Variants in MEI4 observed in about 807,000 individuals in gnomAD.
MEI4 encodes meiotic double-stranded break formation protein 4, also known as meiosis-specific protein MEI4.
In MEI4, 27 loss-of-function variants were observed where a neutral mutation model predicts 31.4. That is an observed-to-expected ratio of 0.86 (90% CI 0.63 to 1.19). The LOEUF (loss-of-function observed/expected upper bound fraction) is 1.19, where lower values mean the gene tolerates loss of function less well. MEI4 is among the 50% of genes most tolerant of loss of function. The pLI, the probability that MEI4 is intolerant of heterozygous loss-of-function variation, is 0.00. For missense variants in MEI4, 329 were observed against 398.9 expected (o/e 0.82, Z 1.49); for synonymous variants, 122 against 145.4 (o/e 0.84, Z 1.16).
chr6:77,915,661 C>A (rs1268317665), intron 4 of MEI4, among the ~76,000 whole-genome samples: 2 of 151,886 alleles, frequency 1.3e-5, no homozygotes, highest in Non-Finnish European at 2.9e-5. Flanking sequence ...GTTATATCTT[C>A]TTTCTAATTG....
intron 4 of MEI4, among the ~76,000 whole-genome samples, chr6:77,839,591 G>A (rs1424770102): frequency 3.3e-5 from 5 of 152,042 alleles, no homozygotes; most frequent in Non-Finnish European, 5.9e-5. Flanking sequence ...ACTCCCAAGT[G>A]GTACACATAA....
At chr6:77,736,974 A>T (rs984172368) in intron 2 of MEI4, among the ~76,000 whole-genome samples, 1 of 152,190 alleles carries the variant, frequency 6.6e-6, no homozygotes, top group Non-Finnish European at 1.5e-5. Context: ...AGGTAGAGGA[A>T]TATACTGGCA....
rs182762148 is a variant in MEI4 at position 77,783,410 on chromosome 6, C to T, written c.768+21745C>T. Among the ~76,000 whole-genome samples, 395 of 152,182 alleles carry T rather than the reference C, an allele frequency of 2.6e-3. 2 individuals carry two copies. Among genetic ancestry groups the T allele is most frequent in the Middle Eastern group, 0.01 (3 of 294 alleles). Reference sequence around the variant, plus strand: ...TATTTCCATGGATCTTAATAAAAACCATGAAAAATCAGATGAAGCTGACAG... The same window carrying T: ...TATTTCCATGGATCTTAATAAAAACTATGAAAAATCAGATGAAGCTGACAG... On this transcript the variant is annotated intron_variant, in intron 3 of 4. Transcript: ENST00000684080.
intron 4 of MEI4, among the ~76,000 whole-genome samples, chr6:77,865,661 C>A (rs564088409): frequency 6.6e-6 from 1 of 152,282 alleles, no homozygotes; most frequent in East Asian, 1.9e-4. Context: ...CTAGGAGGAG[C>A]TGGTACCATT....
At chr6:77,851,292 C>T (rs1770613499) in intron 4 of MEI4, among the ~76,000 whole-genome samples, 1 of 152,016 alleles carries the variant, frequency 6.6e-6, no homozygotes, top group Non-Finnish European at 1.5e-5. Context: ...TGGGTATATA[C>T]CCAAAGGATT....
chr6:77,788,046 C>A (rs1768796040), intron 3 of MEI4, among the ~76,000 whole-genome samples: 1 of 152,102 alleles, frequency 6.6e-6, no homozygotes, highest in Non-Finnish European at 1.5e-5. Context: ...CCCTCTTTTT[C>A]TATTGATTGG....
chr6:77,709,994 C>G (rs146881513), intron 2 of MEI4, among the ~76,000 whole-genome samples: 1 of 152,220 alleles, frequency 6.6e-6, no homozygotes, highest in South Asian at 2.1e-4. Context: ...GTGCAGCTCT[C>G]TGTTGTCTGC....
At chr6:77,760,794 T>G (rs62418035) in intron 2 of MEI4, among the ~76,000 whole-genome samples, 20,942 of 152,178 alleles carry the variant, frequency 0.14, 1,529 homozygotes, top group Middle Eastern at 0.21. Flanking sequence ...TGTAGTTACC[T>G]ATTGGATTCA....
chr6:77,744,080 A>G (rs1463754750), intron 2 of MEI4, among the ~76,000 whole-genome samples: 2 of 152,214 alleles, frequency 1.3e-5, no homozygotes, highest in Non-Finnish European at 2.9e-5. Flanking sequence ...CTCCAAAGGA[A>G]TGCAGTTCCT....
chr6:77,921,946 G>C (rs1247029098), intron 4 of MEI4, among the ~76,000 whole-genome samples: 1 of 151,732 alleles, frequency 6.6e-6, no homozygotes, highest in Non-Finnish European at 1.5e-5. Context: ...TTGAAATATT[G>C]TGATAATTAC....
chr6:77,839,590 T>C (rs1770308927), intron 4 of MEI4, among the ~76,000 whole-genome samples: 1 of 152,102 alleles, frequency 6.6e-6, no homozygotes, highest in Non-Finnish European at 1.5e-5. Flanking sequence ...AACTCCCAAG[T>C]GGTACACATA....
intron 3 of MEI4, among the ~76,000 whole-genome samples, chr6:77,793,277 C>A (rs543610529): frequency 6.6e-6 from 1 of 152,062 alleles, no homozygotes; most frequent in Non-Finnish European, 1.5e-5. Flanking sequence ...AAAAGGCAAC[C>A]AAGAATACTC....
intron 2 of MEI4, among the ~76,000 whole-genome samples, chr6:77,745,616 A>G (rs1343907594): frequency 1.3e-5 from 2 of 152,192 alleles, no homozygotes; most frequent in Admixed American, 6.5e-5. Flanking sequence ...TGCACCAAGC[A>G]GACATAATAG....
chr6:77,674,998 C>T (rs1419216986), intron 1 of MEI4, among the ~76,000 whole-genome samples: 1 of 150,748 alleles, frequency 6.6e-6, no homozygotes. Flanking sequence ...GTAACTAGTT[C>T]ATTTATTTTT....
intron 2 of MEI4, among the ~76,000 whole-genome samples, chr6:77,714,650 G>A (rs1766540045): frequency 6.6e-6 from 1 of 152,128 alleles, no homozygotes; most frequent in Non-Finnish European, 1.5e-5. Context: ...TCCATTCAAG[G>A]CGCTCTCTAT....
Position 77,924,741 on chromosome 6 carries a change from T to C in MEI4, c.*1395T>C, listed in dbSNP as rs527903580. On this transcript the variant is annotated 3_prime_UTR_variant, in exon 5 of 5. Transcript: ENST00000684080. Reference sequence around the variant, plus strand: ...GTGGCAATTGAGCAAGACGAAAGGCTAGGCTGAGAAATGTCACATTAGCAC... The same window carrying C: ...GTGGCAATTGAGCAAGACGAAAGGCCAGGCTGAGAAATGTCACATTAGCAC... 1 of 151,966 alleles carries C rather than the reference T, an allele frequency of 6.6e-6. No homozygotes were observed. Among genetic ancestry groups the C allele is most frequent in the African/African-American group, 2.4e-5 (1 of 41,528 alleles). 9.4% of individuals were successfully genotyped at this position (151,966 alleles called of 1,614,324 possible). A position where few individuals can be genotyped will look rare whatever the true frequency, so the allele number is the denominator to read the frequency against.
rs1399221023 is a variant in MEI4, at chr6:77,820,269, G to A, written c.769-8662G>A. On this transcript the variant is annotated intron_variant, in intron 3 of 4. Coordinates refer to ENST00000684080, the MANE Select transcript of MEI4 (RefSeq NM_001322247.2). The surrounding 1 kb of genome is among the most constrained non-coding windows in gnomAD (Gnocchi z 4.5). ...TTTTGTTTTTGTTTTTGTTTTTGGA[G>A]ATGGAGTCTCACTCTGTTGCCCAGG... 6.6e-6 allele frequency among the ~76,000 whole-genome samples: 1 copy of A among 151,592 alleles called. No individual in the cohort carries two copies. The highest frequency in any genetic ancestry group is 2.4e-5 in the African/African-American group (1 of 40,990).
intron 2 of MEI4, among the ~76,000 whole-genome samples, chr6:77,740,610 T>C (rs1582086034): frequency 1.3e-5 from 2 of 152,144 alleles, no homozygotes; most frequent in East Asian, 3.9e-4. Flanking sequence ...TAAACATTGC[T>C]TTTAAGTAGT....
At position 77,732,086 on chromosome 6, in the gene MEI4, A is replaced by G. The variant is rs538441454; in HGVS notation, c.233-29044A>G. Among the ~76,000 whole-genome samples the G allele has an allele frequency of 1.0e-3, 156 of 150,530 alleles. 1 individual carries two copies. The highest frequency in any genetic ancestry group is 3.5e-3 in the African/African-American group (143 of 40,518). On this transcript the variant is annotated intron_variant, in intron 2 of 4. Transcript: ENST00000684080. The stretch of plus-strand genomic sequence containing the variant: ...TGATGCCTCCAGCTTTGTTCTTTTG[A>G]CTTAGGATTGACTTGGCGATGCGGG...
Sources: allele counts gnomAD v4.1 joint callset (sites outside exome capture counted in the v4.1 genomes callset), GRCh38; gene constraint gnomAD v4.1.1; non-coding constraint Gnocchi (gnomAD v3.1); transcripts MANE v1.5; gene names NCBI Gene and HGNC (gene_info 2026-07-23, HGNC 2026-07-21).